Variants in NDRG1 observed in about 807,000 individuals in gnomAD.
The protein encoded by NDRG1 is N-myc downstream regulated 1.
In NDRG1, 32 loss-of-function variants were observed where a neutral mutation model predicts 56.9. The ratio of observed to expected loss-of-function variants is 0.56; its 90% CI spans 0.42 to 0.76. The LOEUF (loss-of-function observed/expected upper bound fraction) is 0.76. Ranked by LOEUF, NDRG1 falls within the 30% of genes least tolerant of loss-of-function variation. The probability of loss-of-function intolerance (pLI) is 0.00; values close to 1 mark genes in which losing one functional copy is unlikely to be tolerated. For synonymous variants in NDRG1, 211 were observed against 204.1 expected, an observed-to-expected ratio of 1.03 and a Z score of -0.29; for missense variants, 507 against 545.7, an observed-to-expected ratio of 0.93 and a Z score of 0.71.
At chr8:133,263,364 T>C (rs771375019) in intron 4 of NDRG1, among the ~76,000 whole-genome samples, 1 of 152,164 alleles carries the variant, frequency 6.6e-6, no homozygotes, top group Non-Finnish European at 1.5e-5. Context: ...TCGTCAAAAA[T>C]CAAGCAAGCT....
intron 5 of NDRG1, 110 bp from the exon 6 acceptor site, chr8:133,259,340 C>T: frequency 9.5e-7 from 1 of 1,053,072 alleles, no homozygotes; most frequent in East Asian, 2.4e-5. Context: ...CCCATGCACC[C>T]AGACCCCCCC....
intron 5 of NDRG1, 160 bp from the exon 6 acceptor site, chr8:133,259,390 C>A: frequency 1.4e-6 from 1 of 702,288 alleles, no homozygotes; most frequent in South Asian, 1.5e-5. Context: ...CTTCCAAGAC[C>A]CCTGCAGCAC....
chr8:133,297,113 G>A (rs1023156310), intron 1 of NDRG1, 21 bp downstream of exon 1: 1 of 152,588 alleles, frequency 6.6e-6, no homozygotes, highest in Non-Finnish European at 1.5e-5. Context: ...TCGCGCCTGG[G>A]AGAAGAGGGC....
At chr8:133,267,822 C>T (rs957913595) in intron 3 of NDRG1, among the ~76,000 whole-genome samples, 2 of 152,166 alleles carry the variant, frequency 1.3e-5, no homozygotes, top group African/African-American at 4.8e-5. Context: ...CGCCTGCACC[C>T]CAGACTCCAT....
rs1384749251 is a variant in NDRG1, at chr8:133,274,856, TCA to T, written c.99+5374_99+5375del. 5.3e-5 allele frequency among the ~76,000 whole-genome samples: 8 copies of T among 152,252 alleles called. No individual in the cohort carries two copies. The South Asian group carries it at 1.2e-3, about 24-fold the overall frequency. On this transcript the variant is annotated intron_variant, in intron 3 of 15. Transcript: ENST00000323851. ...CACAGCTGCCGCCCCTGGGAAAGCCTCAGTTTCCTTATCTGTAAAGGAAGGAT... is the reference window on the plus strand; with the variant it reads ...CACAGCTGCCGCCCCTGGGAAAGCCTGTTTCCTTATCTGTAAAGGAAGGAT...
Position 133,258,374 on chromosome 8 carries a change from G to A in NDRG1, c.442C>T (p.Arg148Ter), listed in dbSNP as rs119483085. 18 of 1,611,508 alleles carry A rather than the reference G, an allele frequency of 1.1e-5. No individual in the cohort carries two copies. Among genetic ancestry groups the A allele is most frequent in the African/African-American group, 2.7e-5 (2 of 74,880 alleles). The change falls in exon 7 of 16, where the codon CGA becomes TGA. Residue 148 changes from arginine (R) to a stop codon, truncating the protein, a stop_gained. Transcript: ENST00000323851. LOFTEE classifies it high-confidence loss of function. ...AATGCCAAAGCACTCACAGCAAATC[G>A]AGTTAGGATGTAGGCGCCTGCTCCT... Reference protein sequence around the residue: ...GTGAGAYILTRFALNNPEMVE... With the variant: ...GTGAGAYILT
intron 9 of NDRG1, among the ~76,000 whole-genome samples, chr8:133,253,107 T>C (rs538381671): frequency 1.3e-5 from 2 of 152,360 alleles, no homozygotes; most frequent in South Asian, 4.1e-4. Context: ...TTCCAGACCC[T>C]GGGCTTGCAA....
intron 13 of NDRG1, 61 bp downstream of exon 13, chr8:133,246,555 A>G: frequency 1.3e-6 from 2 of 1,549,966 alleles, no homozygotes; most frequent in Middle Eastern, 1.7e-4. Context: ...TCAATGTTGC[A>G]GAAAACGTCT....
At chr8:133,242,208 A>G (rs1458180867) in intron 14 of NDRG1, 134 bp from the exon 15 acceptor site, 1 of 855,202 alleles carries the variant, frequency 1.2e-6, no homozygotes, top group East Asian at 2.6e-5. Context: ...TGTTGACAGG[A>G]CAAAACACAA....
intron 9 of NDRG1, among the ~76,000 whole-genome samples, chr8:133,254,126 T>C (rs181465985): frequency 1.3e-5 from 2 of 151,520 alleles, no homozygotes; most frequent in East Asian, 3.9e-4. Context: ...TTATATAAAA[T>C]TCTAGGAATT....
chr8:133,287,704 G>A (rs1229938531), intron 1 of NDRG1, among the ~76,000 whole-genome samples: 1 of 152,182 alleles, frequency 6.6e-6, no homozygotes, highest in African/African-American at 2.4e-5. Flanking sequence ...TCTGCCTTAG[G>A]GGCTGCCCTG....
At chr8:133,275,021 G>T (rs1205670019) in intron 3 of NDRG1, among the ~76,000 whole-genome samples, 3 of 152,164 alleles carry the variant, frequency 2.0e-5, no homozygotes, top group Admixed American at 2.0e-4. Context: ...GTGAATCTGA[G>T]GTCAGATTAT....
chr8:133,293,648 T>C (rs71526286), intron 1 of NDRG1, among the ~76,000 whole-genome samples: 4,194 of 152,308 alleles, frequency 0.028, 76 homozygotes, highest in African/African-American at 0.04. Context: ...TACAGCGGCA[T>C]GTATGACTAC....
intron 8 of NDRG1, 114 bp downstream of exon 8, chr8:133,256,663 G>A (rs1856388539): frequency 2.1e-6 from 2 of 951,706 alleles, no homozygotes; most frequent in Admixed American, 2.0e-5. Flanking sequence ...AGAGGGTAGT[G>A]GAGGAGTGGG....
chr8:133,296,772 C>T (rs1858799680), intron 1 of NDRG1: 1 of 224,186 alleles, frequency 4.5e-6, no homozygotes, highest in African/African-American at 2.3e-5. Flanking sequence ...GCGCGCACCC[C>T]TGCCAGCGGC....
chr8:133,274,034 C>G (rs957696774), intron 3 of NDRG1, among the ~76,000 whole-genome samples: 3 of 152,228 alleles, frequency 2.0e-5, no homozygotes, highest in Non-Finnish European at 4.4e-5. Flanking sequence ...ACCCCGTGCC[C>G]TGAGGGTTCT....
At chr8:133,266,444 G>A (rs1856924447) in intron 3 of NDRG1, among the ~76,000 whole-genome samples, 1 of 152,218 alleles carries the variant, frequency 6.6e-6, no homozygotes, top group Non-Finnish European at 1.5e-5. Flanking sequence ...TTGAGAAGAA[G>A]GGATGGGACA....
At chr8:133,289,494 C>T (rs539924204) in intron 1 of NDRG1, among the ~76,000 whole-genome samples, 5 of 152,262 alleles carry the variant, frequency 3.3e-5, no homozygotes, top group South Asian at 2.1e-4. Flanking sequence ...AGGCCCAGTG[C>T]GTCACCACTG....
chr8:133,280,386 G>T, intron 2 of NDRG1, 119 bp from the exon 3 acceptor site: 1 of 947,164 alleles, frequency 1.1e-6, no homozygotes, highest in Non-Finnish European at 1.7e-6. Context: ...CCTTTGTGGG[G>T]TCTCCTTAAT....
Sources: allele counts gnomAD v4.1 joint callset (sites outside exome capture counted in the v4.1 genomes callset), GRCh38; gene constraint gnomAD v4.1.1; transcripts MANE v1.5; gene names NCBI Gene and HGNC (gene_info 2026-07-23, HGNC 2026-07-21).